Variants in TANC2 observed in about 807,000 individuals in gnomAD.
The protein encoded by TANC2 is tetratricopeptide repeat, ankyrin repeat and coiled-coil containing 2.
Under a neutral mutation model 210.5 loss-of-function variants are expected in TANC2, and 26 were observed. The observed-to-expected ratio is 0.12, with a 90% CI of 0.09 to 0.17. The LOEUF (loss-of-function observed/expected upper bound fraction) is 0.17. Among genes scored for constraint, TANC2 ranks in the 10% least tolerant of loss-of-function variants. The pLI is 1.00. For synonymous variants in TANC2, 931 were observed against 967.1 expected, an observed-to-expected ratio of 0.96 and a Z score of 0.69; for missense variants, 2,129 against 2,608.9, an observed-to-expected ratio of 0.82 and a Z score of 4.01.
At chr17:63,292,202 A>G (rs1311467151) in intron 9 of TANC2, among the ~76,000 whole-genome samples, 5 of 152,190 alleles carry the variant, frequency 3.3e-5, no homozygotes, top group Non-Finnish European at 5.9e-5. Context: ...GAAAGACACT[A>G]GTGTCTTCCT....
chr17:63,254,631 T>C (rs2043138865), intron 8 of TANC2, among the ~76,000 whole-genome samples: 1 of 152,234 alleles, frequency 6.6e-6, no homozygotes, highest in South Asian at 2.1e-4. Flanking sequence ...TGTCTTTTAT[T>C]GTGTTTAGGT....
chr17:63,321,399 T>C (rs777035971), intron 11 of TANC2, among the ~76,000 whole-genome samples: 11 of 152,146 alleles, frequency 7.2e-5, no homozygotes, highest in Admixed American at 2.0e-4. Context: ...TCCAGCTGTC[T>C]CCTTCTTTTT....
intron 2 of TANC2, among the ~76,000 whole-genome samples, chr17:63,070,290 A>G (rs1326092788): frequency 6.6e-6 from 1 of 152,206 alleles, no homozygotes; most frequent in East Asian, 1.9e-4. Context: ...TTTCTTGGGC[A>G]CAGAGAAGAT....
chr17:63,342,917 T>C (rs1365283942), intron 12 of TANC2, among the ~76,000 whole-genome samples: 1 of 150,756 alleles, frequency 6.6e-6, no homozygotes, highest in Non-Finnish European at 1.5e-5. Context: ...TTATAAATAC[T>C]GTTCTAAGTG....
At chr17:63,097,653 C>T (rs1333878331) in intron 3 of TANC2, among the ~76,000 whole-genome samples, 3 of 151,820 alleles carry the variant, frequency 2.0e-5, no homozygotes, top group African/African-American at 4.8e-5. Context: ...TGTCCTTGTC[C>T]GCATGCAGCC....
exon 22 of TANC2, chr17:63,411,684 G>C (rs1005400347): frequency 1.2e-6 from 2 of 1,610,640 alleles, no homozygotes; most frequent in African/African-American, 2.7e-5. Context: ...CGATGCTGAG[G>C]TGGTAAGTAC....
chr17:63,347,615 G>T lies in TANC2; in HGVS notation c.1808-3635G>T, dbSNP rs535615716. 1.4e-4 allele frequency among the ~76,000 whole-genome samples: 21 copies of T among 152,200 alleles called. No individual in the cohort carries two copies. In the East Asian group the frequency reaches 1.7e-3, roughly 13 times the overall value. ...TGTATTTTCTTTGAAAAATGAGTCA[G>T]TATTTTTCACAGTACTTTAAAGTTC... On this transcript the variant is annotated intron_variant, in intron 12 of 27. Coordinates refer to ENST00000689528, the Ensembl canonical transcript of TANC2.
chr17:63,235,050 T>G (rs1197616072), intron 7 of TANC2, among the ~76,000 whole-genome samples: 3 of 152,066 alleles, frequency 2.0e-5, no homozygotes, highest in African/African-American at 7.2e-5. Flanking sequence ...TATATGAGCT[T>G]TTTCTGAGGT....
chr17:63,022,287 G>A (rs1056173003), intron 2 of TANC2, among the ~76,000 whole-genome samples: 2 of 150,306 alleles, frequency 1.3e-5, no homozygotes, highest in African/African-American at 4.9e-5. Context: ...GATGCAGTGA[G>A]CCGAGATCAT....
chr17:63,393,960 TG>T (rs200027951), intron 17 of TANC2, among the ~76,000 whole-genome samples: 2 of 151,878 alleles, frequency 1.3e-5, no homozygotes, highest in Non-Finnish European at 2.9e-5. Context: ...TTAATAGAGA[TG>T]GGGTTTCACC....
chr17:63,142,405 C>T (rs1176171254), intron 4 of TANC2, among the ~76,000 whole-genome samples: 3 of 152,046 alleles, frequency 2.0e-5, no homozygotes, highest in East Asian at 3.9e-4. Context: ...ATTAATATGC[C>T]CTTATAGTCC....
intron 3 of TANC2, among the ~76,000 whole-genome samples, chr17:63,084,167 A>G (rs1374486552): frequency 6.6e-6 from 1 of 152,162 alleles, no homozygotes; most frequent in Non-Finnish European, 1.5e-5. Flanking sequence ...TTTAATAGTT[A>G]TAGGCCTATT....
chr17:63,317,225 C>T (rs2045344137), intron 10 of TANC2, among the ~76,000 whole-genome samples: 1 of 152,140 alleles, frequency 6.6e-6, no homozygotes, highest in Non-Finnish European at 1.5e-5. Flanking sequence ...AGCTGAGCAC[C>T]ACTGCTGTGG....
intron 4 of TANC2, among the ~76,000 whole-genome samples, chr17:63,126,672 G>T (rs913144561): frequency 6.6e-6 from 1 of 152,108 alleles, no homozygotes; most frequent in Non-Finnish European, 1.5e-5. Context: ...GCCTCCCAAA[G>T]TGTTGGGATT....
intron 21 of TANC2, among the ~76,000 whole-genome samples, chr17:63,408,267 A>G (rs967460559): frequency 6.6e-6 from 1 of 152,254 alleles, no homozygotes; most frequent in African/African-American, 2.4e-5. Flanking sequence ...AGGATAGAAC[A>G]GTTAAAGATA....
chr17:62,967,764 A>G (rs2031437446), intron 1 of TANC2: 2 of 152,086 alleles, frequency 1.3e-5, no homozygotes, highest in Admixed American at 1.3e-4. Flanking sequence ...TATCTATCAC[A>G]ATGGTTAATT....
intron 7 of TANC2, among the ~76,000 whole-genome samples, chr17:63,216,586 G>T (rs887680398): frequency 3.9e-5 from 6 of 152,174 alleles, no homozygotes; most frequent in Non-Finnish European, 8.8e-5. Context: ...GGACAGCCTT[G>T]TGGAAGTAAG....
intron 4 of TANC2, among the ~76,000 whole-genome samples, chr17:63,129,597 C>T (rs1003165072): frequency 3.9e-5 from 6 of 152,054 alleles, no homozygotes; most frequent in African/African-American, 9.7e-5. Flanking sequence ...TGTGGTGGTG[C>T]ACACCTGTAG....
At chr17:63,098,513 G>T (rs374692087) in intron 3 of TANC2, among the ~76,000 whole-genome samples, 1 of 125,422 alleles carries the variant, frequency 8.0e-6, no homozygotes, top group African/African-American at 3.0e-5. Context: ...CTCTCTCTGT[G>T]TGTATATATA....
Sources: gnomAD v4.1 joint callset for allele counts (sites outside exome capture counted in the v4.1 genomes callset) on GRCh38, gnomAD v4.1.1 for gene constraint, MANE v1.5 for transcripts, NCBI Gene and HGNC (gene_info 2026-07-23, HGNC 2026-07-21) for gene names.